The following FSTL1 variants were observed in gnomAD, a reference collection of about 807,000 sequenced individuals.
FSTL1 encodes the protein follistatin like 1.
Under a neutral mutation model 45.9 loss-of-function variants are expected in FSTL1, and 24 were observed. That is an observed-to-expected ratio of 0.52 (90% CI 0.38 to 0.74). The LOEUF (loss-of-function observed/expected upper bound fraction) is 0.74, where lower values mean the gene tolerates loss of function less well. Among genes scored for constraint, FSTL1 ranks in the 30% least tolerant of loss-of-function variants. FSTL1 has a pLI of 0.00. For missense variants in FSTL1, 340 were observed against 381.8 expected, an observed-to-expected ratio of 0.89 and a Z score of 0.91; for synonymous variants, 120 against 137.6, an observed-to-expected ratio of 0.87 and a Z score of 0.89.
At chr3:120,427,210 C>G (rs1468797785) in intron 2 of FSTL1, among the ~76,000 whole-genome samples, 1 of 152,220 alleles carries the variant, frequency 6.6e-6, no homozygotes, top group African/African-American at 2.4e-5. Context: ...TTACACCACT[C>G]CATCCTCAGT....
chr3:120,401,193 CACTG>C (rs1445486632), intron 9 of FSTL1, among the ~76,000 whole-genome samples: 1 of 152,172 alleles, frequency 6.6e-6, no homozygotes, highest in African/African-American at 2.4e-5. Flanking sequence ...CAGGCTAGGC[CACTG>C]ACTGTTTTGA....
chr3:120,403,976 A>C (rs5015970), intron 7 of FSTL1, among the ~76,000 whole-genome samples: 14,012 of 86,228 alleles, frequency 0.16, 854 homozygotes, highest in Non-Finnish European at 0.2. Flanking sequence ...ACAAAAACAA[A>C]AAAAAACAAA....
intron 2 of FSTL1, among the ~76,000 whole-genome samples, chr3:120,446,819 T>C (rs1331818841): frequency 6.6e-6 from 1 of 152,196 alleles, no homozygotes; most frequent in Non-Finnish European, 1.5e-5. Context: ...TCTTCTAGTA[T>C]TGCATGTCTA....
chr3:120,428,888 C>G (rs1937430381), intron 2 of FSTL1, among the ~76,000 whole-genome samples: 1 of 152,168 alleles, frequency 6.6e-6, no homozygotes, highest in Non-Finnish European at 1.5e-5. Flanking sequence ...GGGTTAAAAC[C>G]CAGCAAGAAA....
intron 2 of FSTL1, among the ~76,000 whole-genome samples, chr3:120,426,428 CT>C (rs1277622795): frequency 6.6e-6 from 1 of 152,122 alleles, no homozygotes; most frequent in African/African-American, 2.4e-5. Flanking sequence ...ATTTATTCCC[CT>C]GATATGGTGG....
At chr3:120,450,415 G>T (rs1456766160) in intron 2 of FSTL1, among the ~76,000 whole-genome samples, 2 of 152,136 alleles carry the variant, frequency 1.3e-5, no homozygotes, top group African/African-American at 4.8e-5. Context: ...GTCCCCGTCG[G>T]CCCAGCCCGT....
At chr3:120,440,311 C>T (rs1937615328) in intron 2 of FSTL1, among the ~76,000 whole-genome samples, 1 of 152,232 alleles carries the variant, frequency 6.6e-6, no homozygotes, top group Non-Finnish European at 1.5e-5. Flanking sequence ...ATTCCAGGCA[C>T]ATAGCCATAT....
intron 2 of FSTL1, among the ~76,000 whole-genome samples, chr3:120,449,826 C>T (rs1388570892): frequency 6.6e-6 from 1 of 152,152 alleles, no homozygotes; most frequent in African/African-American, 2.4e-5. Flanking sequence ...CTCCCTCATG[C>T]TTTTTAATTC....
intron 2 of FSTL1, among the ~76,000 whole-genome samples, chr3:120,450,382 G>T (rs974635543): frequency 6.6e-6 from 1 of 152,094 alleles, no homozygotes. Context: ...TTTTGAACTC[G>T]CTGCTGCTCC....
At chr3:120,432,145 T>G (rs1261763836) in intron 2 of FSTL1, among the ~76,000 whole-genome samples, 1 of 152,222 alleles carries the variant, frequency 6.6e-6, no homozygotes, top group South Asian at 2.1e-4. Context: ...GGCAATGAGA[T>G]AGATATATCT....
At chr3:120,412,838 G>GCGCCCACACA (rs1429168694) in intron 3 of FSTL1, among the ~76,000 whole-genome samples, 1 of 106,132 alleles carries the variant, frequency 9.4e-6, no homozygotes, top group East Asian at 3.0e-4. Flanking sequence ...GCGCGCGCGC[G>GCGCCCACACA]CACACACACA....
intron 2 of FSTL1, among the ~76,000 whole-genome samples, chr3:120,446,659 T>C (rs1937748844): frequency 6.6e-6 from 1 of 152,216 alleles, no homozygotes; most frequent in South Asian, 2.1e-4. Context: ...CAGTCAGAGA[T>C]ATGGGTTAGA....
chr3:120,420,076 G>A (rs192356895), intron 2 of FSTL1, among the ~76,000 whole-genome samples: 2 of 152,306 alleles, frequency 1.3e-5, no homozygotes, highest in East Asian at 3.9e-4. Context: ...TCCCTCTTGG[G>A]GTACAATCAA....
intron 3 of FSTL1, 67 bp from the exon 4 acceptor site, chr3:120,412,050 C>G (rs550029447): frequency 6.8e-5 from 43 of 633,266 alleles, no homozygotes; most frequent in South Asian, 1.3e-4. Flanking sequence ...CACACACACA[C>G]ATACATGCAC....
intron 2 of FSTL1, among the ~76,000 whole-genome samples, chr3:120,426,233 T>C (rs1937377285): frequency 6.6e-6 from 1 of 152,070 alleles, no homozygotes; most frequent in Non-Finnish European, 1.5e-5. Context: ...AGGGCAGCTG[T>C]GGGAAAATTC....
intron 2 of FSTL1, among the ~76,000 whole-genome samples, chr3:120,448,645 G>A (rs947507471): frequency 3.9e-5 from 6 of 152,008 alleles, no homozygotes; most frequent in Non-Finnish European, 4.4e-5. Flanking sequence ...CTCCCCCAAC[G>A]CACTCTGTTT....
At chr3:120,445,732 T>C (rs1211845801) in intron 2 of FSTL1, among the ~76,000 whole-genome samples, 1 of 149,672 alleles carries the variant, frequency 6.7e-6, no homozygotes. Flanking sequence ...GTAGTTATAA[T>C]AATATAAACT....
At chr3:120,408,131 G>T (rs1936982229) in intron 6 of FSTL1, among the ~76,000 whole-genome samples, 1 of 152,234 alleles carries the variant, frequency 6.6e-6, no homozygotes, top group Admixed American at 6.5e-5. Flanking sequence ...AGGCCCTGCA[G>T]GTACCTTTAC....
At chr3:120,408,262 C>T (rs1443304915) in intron 6 of FSTL1, among the ~76,000 whole-genome samples, 1 of 152,150 alleles carries the variant, frequency 6.6e-6, no homozygotes, top group African/African-American at 2.4e-5. Flanking sequence ...CCTCTAAGGG[C>T]TCTGTAATGT....
Sources: gnomAD v4.1 joint callset for allele counts (sites outside exome capture counted in the v4.1 genomes callset) on GRCh38, gnomAD v4.1.1 for gene constraint, MANE v1.5 for transcripts, NCBI Gene and HGNC (gene_info 2026-07-23, HGNC 2026-07-21) for gene names.